OXR1: variants seen among roughly 807,000 people sequenced by gnomAD.
The protein encoded by OXR1 is oxidation resistance protein 1.
In OXR1, 41 loss-of-function variants were observed where a neutral mutation model predicts 104.6. The observed-to-expected ratio is 0.39, with a 90% CI of 0.31 to 0.51. The LOEUF (loss-of-function observed/expected upper bound fraction) is 0.51, where lower values mean the gene tolerates loss of function less well. OXR1 is among the 20% of genes least tolerant of loss of function. The probability of loss-of-function intolerance (pLI) is 0.77; values close to 1 mark genes in which losing one functional copy is unlikely to be tolerated. For missense variants in OXR1, 955 were observed against 1,031.9 expected (o/e 0.93, Z 1.02); for synonymous variants, 348 against 348.4 (o/e 1.00, Z 0.01).
At chr8:106,727,690 G>A (rs1035574263) in intron 11 of OXR1, among the ~76,000 whole-genome samples, 6 of 152,158 alleles carry the variant, frequency 3.9e-5, no homozygotes, top group Admixed American at 1.3e-4. Context: ...CTCCCATAGT[G>A]TTAGGATTCC....
intron 2 of OXR1, among the ~76,000 whole-genome samples, chr8:106,421,016 A>G (rs1016405244): frequency 1.3e-5 from 2 of 152,088 alleles, no homozygotes; most frequent in Non-Finnish European, 2.9e-5. Context: ...TGTCCTTCCA[A>G]TATGTATGCA....
At chr8:106,498,412 GATA>G (rs1411281422) in intron 2 of OXR1, among the ~76,000 whole-genome samples, 13 of 152,244 alleles carry the variant, frequency 8.5e-5, no homozygotes, top group South Asian at 6.2e-4. Context: ...TATTATATGT[GATA>G]AATAGTAAAA....
intron 2 of OXR1, among the ~76,000 whole-genome samples, chr8:106,381,296 T>C (rs1030736890): frequency 2.7e-4 from 41 of 152,084 alleles, no homozygotes; most frequent in Non-Finnish European, 5.3e-4. Flanking sequence ...GAAATGAAGA[T>C]GGAGAAGACT....
intron 1 of OXR1, among the ~76,000 whole-genome samples, chr8:106,329,097 T>C (rs1033270888): frequency 3.3e-5 from 5 of 151,942 alleles, no homozygotes; most frequent in African/African-American, 1.2e-4. Context: ...GTTCAAGCGA[T>C]TGTCCTGCCT....
intron 2 of OXR1, among the ~76,000 whole-genome samples, chr8:106,439,332 A>G (rs1819694934): frequency 6.6e-6 from 1 of 152,062 alleles, no homozygotes; most frequent in Non-Finnish European, 1.5e-5. Context: ...GAAACCAGGA[A>G]GAGAGCCCTC....
At chr8:106,516,427 T>G (rs1182652788) in intron 2 of OXR1, among the ~76,000 whole-genome samples, 1 of 152,174 alleles carries the variant, frequency 6.6e-6, no homozygotes, top group Non-Finnish European at 1.5e-5. Flanking sequence ...CCTGTGTTGT[T>G]CACTGTGTAT....
At chr8:106,660,974 T>C (rs1825707669) in intron 3 of OXR1, among the ~76,000 whole-genome samples, 3 of 151,910 alleles carry the variant, frequency 2.0e-5, no homozygotes, top group Admixed American at 2.0e-4. Flanking sequence ...CCTACTGCAC[T>C]CCAGCCTGGG....
intron 2 of OXR1, among the ~76,000 whole-genome samples, chr8:106,452,396 A>C (rs954681975): frequency 3.5e-4 from 53 of 152,318 alleles, no homozygotes; most frequent in African/African-American, 1.3e-3. Context: ...CCAAATATTC[A>C]TTATATATAT....
At chr8:106,458,002 TA>T (rs1820695992) in intron 2 of OXR1, among the ~76,000 whole-genome samples, 1 of 151,884 alleles carries the variant, frequency 6.6e-6, no homozygotes, top group Admixed American at 6.6e-5. Flanking sequence ...AGCTAAAAAA[TA>T]AGAACAGAAA....
intron 3 of OXR1, among the ~76,000 whole-genome samples, chr8:106,565,894 A>G (rs538278980): frequency 3.0e-4 from 46 of 152,344 alleles, no homozygotes; most frequent in African/African-American, 1.1e-3. Flanking sequence ...TATGTAATAA[A>G]TAATGTTGGG....
chr8:106,415,976 T>C (rs1010572690), intron 2 of OXR1, among the ~76,000 whole-genome samples: 3 of 152,086 alleles, frequency 2.0e-5, no homozygotes, highest in African/African-American at 7.2e-5. Context: ...CCACAAGTCT[T>C]GAGAATATCC....
rs1179706556 is a variant in OXR1 at position 106,664,867 on chromosome 8, G to A, written c.221-14343G>A. Among the ~76,000 whole-genome samples, 3 of 152,224 alleles carry A rather than the reference G, an allele frequency of 2.0e-5. No individual in the cohort carries two copies. In the East Asian group the frequency reaches 5.8e-4, roughly 29 times the overall value. ...AAGTCCTCCTTTGACATCATCAATA[G>A]GTTTGTGGAAGTTGCACCTTTTAAG... On this transcript the variant is annotated intron_variant, in intron 3 of 16. Transcript: ENST00000517566.
intron 1 of OXR1, among the ~76,000 whole-genome samples, chr8:106,313,764 G>T (rs547898242): frequency 1.8e-4 from 27 of 152,166 alleles, no homozygotes; most frequent in African/African-American, 5.8e-4. Flanking sequence ...GTTCATGTAG[G>T]TAGGAAGTGT....
chr8:106,463,819 G>C (rs561352825), intron 2 of OXR1, among the ~76,000 whole-genome samples: 1 of 152,218 alleles, frequency 6.6e-6, no homozygotes, highest in South Asian at 2.1e-4. Context: ...CATTTAGGAA[G>C]AGCTCAATAA....
chr8:106,659,482 CG>C (rs1563676843), intron 3 of OXR1, among the ~76,000 whole-genome samples: 1 of 152,114 alleles, frequency 6.6e-6, no homozygotes, highest in Non-Finnish European at 1.5e-5. Flanking sequence ...CTCTGAAGGA[CG>C]TTAACCAAAT....
At chr8:106,324,490 C>T (rs1186298010) in intron 1 of OXR1, among the ~76,000 whole-genome samples, 1 of 150,966 alleles carries the variant, frequency 6.6e-6, no homozygotes, top group Non-Finnish European at 1.5e-5. Flanking sequence ...TAAACCTTCA[C>T]ATGTACCCCA....
chr8:106,354,494 G>A (rs1424373673), intron 1 of OXR1, among the ~76,000 whole-genome samples: 2 of 151,966 alleles, frequency 1.3e-5, no homozygotes, highest in Admixed American at 6.6e-5. Flanking sequence ...ATGGACCCTT[G>A]GATATCCCAG....
Position 106,339,541 on chromosome 8 carries a change from T to A in OXR1, c.-138-19935T>A, listed in dbSNP as rs1327386711. 1.5e-3 allele frequency among the ~76,000 whole-genome samples: 150 copies of A among 99,196 alleles called. 3 individuals carry two copies. Among genetic ancestry groups the A allele is most frequent in the African/African-American group, 6.6e-3 (138 of 20,784 alleles). 65.1% of individuals were successfully genotyped at this position (99,196 alleles called of 152,430 possible). ...AAAAATATATATATATATATATATA[T>A]ATATATATATATATAAAACGAAATC... On this transcript the variant is annotated intron_variant, in intron 1 of 16. Coordinates refer to ENST00000517566, the MANE Select transcript of OXR1 (RefSeq NM_001198533.2).
intron 3 of OXR1, among the ~76,000 whole-genome samples, chr8:106,592,014 A>G (rs536057788): frequency 1.3e-5 from 2 of 152,290 alleles, no homozygotes; most frequent in African/African-American, 2.4e-5. Flanking sequence ...ACTCAAAATT[A>G]ACACTGTCTG....
Sources: gnomAD v4.1 joint callset for allele counts (sites outside exome capture counted in the v4.1 genomes callset) on GRCh38, gnomAD v4.1.1 for gene constraint, MANE v1.5 for transcripts, NCBI Gene and HGNC (gene_info 2026-07-23, HGNC 2026-07-21) for gene names.